TMEM52: variants seen among roughly 807,000 people sequenced by gnomAD.
TMEM52 encodes the protein transmembrane protein 52.
TMEM52 carries 14 observed loss-of-function variants against 16.2 expected under a neutral mutation model. That is an observed-to-expected ratio of 0.87 (90% CI 0.57 to 1.35). TMEM52 has a LOEUF of 1.35. Ranked by LOEUF, TMEM52 falls within the 40% of genes most tolerant of loss-of-function variation. The pLI, the probability that TMEM52 is intolerant of heterozygous loss-of-function variation, is 0.00. For synonymous variants in TMEM52, 136 were observed against 124.7 expected (o/e 1.09, Z -0.60); for missense variants, 309 against 278.6 (o/e 1.11, Z -0.78).
At chr1:1,918,715 A>G in intron 3 of TMEM52, 178 bp downstream of exon 3, 1 of 752,942 alleles carries the variant, frequency 1.3e-6, no homozygotes, top group Non-Finnish European at 2.1e-6. Flanking sequence ...ACTCCCGCGG[A>G]GGCCAGGCGG....
At position 1,919,168 on chromosome 1, in the gene TMEM52, G is replaced by A. The variant is rs992294070; in HGVS notation, c.84+14C>T. The A allele has an allele frequency of 1.1e-5, 15 of 1,367,714 alleles. No homozygotes were observed. The African/African-American group carries it at 1.2e-4, about 11-fold the overall frequency. 84.7% of individuals were successfully genotyped at this position (1,367,714 alleles called of 1,614,324 possible). Reference sequence around the variant, plus strand: ...CGCGGTGGCCGAACCGAGAGAGAACGCCGCCCGACCCACCTGCGGCAGCGG... The same window carrying A: ...CGCGGTGGCCGAACCGAGAGAGAACACCGCCCGACCCACCTGCGGCAGCGG... On this transcript the variant is annotated intron_variant, in intron 1 of 4. Coordinates refer to ENST00000310991, the MANE Select transcript of TMEM52 (RefSeq NM_178545.4).
rs748683918 is a variant in TMEM52 at position 1,917,965 on chromosome 1, C to G, written c.547G>C (p.Ala183Pro). ...ACTGGAGTGGTCTCTAGGCCCGAGG[C>G]CCCAAGGAGAGGGCTGGGTTTCTGG... ...LSQKPSPLLG[A>P]SGLETTPVPQ... The change falls in exon 5 of 5, where the codon GCC becomes CCC. Residue 183 changes from alanine to proline, a missense_variant. By Grantham distance (27) the Ala-to-Pro change is conservative (BLOSUM62 -1). Coordinates refer to ENST00000310991, the MANE Select transcript of TMEM52 (RefSeq NM_178545.4). The G allele has an allele frequency of 1.2e-6, 2 of 1,613,924 alleles. No homozygotes were observed. Among genetic ancestry groups the G allele is most frequent in the East Asian group, 4.5e-5 (2 of 44,888 alleles).
intron 2 of TMEM52, 32 bp from the exon 3 acceptor site, chr1:1,918,966 G>A (rs1440948377): frequency 7.4e-7 from 1 of 1,353,310 alleles, no homozygotes; most frequent in South Asian, 1.8e-5. Flanking sequence ...GAGCAGGCGG[G>A]GCATGGGACG....
intron 1 of TMEM52, 22 bp downstream of exon 1, chr1:1,919,160 G>T (rs1570796944): frequency 3.7e-6 from 5 of 1,368,206 alleles, no homozygotes; most frequent in East Asian, 6.0e-5. Context: ...GCCGAACCGA[G>T]AGAGAACGCC....
At position 1,918,934 on chromosome 1, in the gene TMEM52, C is replaced by T. The variant is rs1212001236; in HGVS notation, c.129G>A (p.Gln43=). Residue 43 remains glutamine, a splice_region_variant and synonymous_variant, in exon 3 of 5, where the codon CAG becomes CAA. Transcript: ENST00000310991. ...TGCTCCAGCGGGCCTGGGGCGGGCA[C>T]CTGTGGGGACGGCGGCACCTGGAGC... The part of the protein sequence containing the change: ...FADGSCDPSD[Q]CPPQARWSSL... 1 of 1,372,574 alleles carries T rather than the reference C, an allele frequency of 7.3e-7. No homozygotes were observed. Among genetic ancestry groups the T allele is most frequent in the Non-Finnish European group, 9.3e-7 (1 of 1,071,696 alleles). The allele number at this position is 1,372,574 out of a possible 1,614,324, so 85.0% of individuals were successfully genotyped here. A position where few individuals can be genotyped will look rare whatever the true frequency, so the allele number is the denominator to read the frequency against.
rs557905690 is a variant in TMEM52, at chr1:1,917,700, C to A, written c.*182G>T. 7 of 711,670 alleles carry A rather than the reference C, an allele frequency of 9.8e-6. No homozygotes were observed. The highest frequency in any genetic ancestry group is 3.6e-5 in the African/African-American group (2 of 56,270). The allele number at this position is 711,670 out of a possible 1,614,324, so 44.1% of individuals were successfully genotyped here. A position where few individuals can be genotyped will look rare whatever the true frequency, so the allele number is the denominator to read the frequency against. ...AAGGGGCCTCTTCCAGGCTGAGGGC[C>A]TGCTGGGGCTGGGCCAGGGGCTGAG... On this transcript the variant is annotated 3_prime_UTR_variant, in exon 5 of 5. Transcript: ENST00000310991.
chr1:1,919,238 CGCGG>C lies in TMEM52; in HGVS notation c.24_27del (p.Arg9AspfsTer106), dbSNP rs1651261787. On this transcript the variant is annotated frameshift_variant, in exon 1 of 5. Coordinates refer to ENST00000310991, the MANE Select transcript of TMEM52 (RefSeq NM_178545.4). LOFTEE classifies it high-confidence loss of function. Reference sequence around the variant, plus strand: ...AGGAGCGGCAGCAGCAGCCGCAGTCCGCGGGCGGCCAGCGGCCCCCGGGCCATGC... The same window carrying C: ...AGGAGCGGCAGCAGCAGCCGCAGTCCGCGGCCAGCGGCCCCCGGGCCATGC... The C allele has an allele frequency of 7.3e-7, 1 of 1,366,428 alleles. No individual in the cohort carries two copies. The highest frequency in any genetic ancestry group is 9.4e-7 in the Non-Finnish European group (1 of 1,068,228). 84.6% of individuals were successfully genotyped at this position (1,366,428 alleles called of 1,614,324 possible).
Position 1,918,308 on chromosome 1 carries a change from G to A in TMEM52, c.294C>T (p.Cys98=), listed in dbSNP as rs774718185. The A allele has an allele frequency of 2.9e-5, 47 of 1,612,782 alleles. No individual in the cohort carries two copies. In the Middle Eastern group the frequency reaches 6.6e-4, roughly 23 times the overall value. ...TGTCCATAGGGATGACTGCCACGTC[G>A]CAGGGCTGCCGTGCTGGTGGCAGAT... The part of the protein sequence containing the change: ...QPHLPPARQP[C]DVAVIPMDSD... Residue 98 remains cysteine (C), a synonymous_variant, in exon 4 of 5, where the codon TGC becomes TGT. Coordinates refer to ENST00000310991, the MANE Select transcript of TMEM52 (RefSeq NM_178545.4).
rs757777467 is a variant in TMEM52 at position 1,918,059 on chromosome 1, C to T, written c.453G>A (p.Pro151=). 1.7e-5 allele frequency: 28 copies of T among 1,613,582 alleles called. No individual in the cohort carries two copies. Among genetic ancestry groups the T allele is most frequent in the African/African-American group, 4.0e-5 (3 of 74,878 alleles). ...MAPPAYSLYT[P]EPPPSYDEAV... is the part of the protein sequence containing the mutation. ...CTTCATCGTAGGAGGGTGGAGGCTC[C>T]GGGGTGTACAGGCTGTAGGCAGGAG... is the stretch of plus-strand genomic sequence containing the variant. Residue 151 remains proline, a synonymous_variant, in exon 5 of 5, where the codon CCG becomes CCA. Transcript: ENST00000310991.
chr1:1,919,178 C>T lies in TMEM52; in HGVS notation c.84+4G>A. On this transcript the variant is annotated splice_donor_region_variant and intron_variant, in intron 1 of 4. Coordinates refer to ENST00000310991, the MANE Select transcript of TMEM52 (RefSeq NM_178545.4). Reference sequence around the variant, plus strand: ...GAACCGAGAGAGAACGCCGCCCGACCCACCTGCGGCAGCGGCAGGAGCGGC... The same window carrying T: ...GAACCGAGAGAGAACGCCGCCCGACTCACCTGCGGCAGCGGCAGGAGCGGC... 14 of 1,370,624 alleles carry T rather than the reference C, an allele frequency of 1.0e-5. No homozygotes were observed. The highest frequency in any genetic ancestry group is 1.3e-5 in the Non-Finnish European group (14 of 1,070,038). The allele number at this position is 1,370,624 out of a possible 1,614,324, so 84.9% of individuals were successfully genotyped here.
intron 3 of TMEM52, 99 bp downstream of exon 3, chr1:1,918,794 C>A (rs984528010): frequency 1.5e-6 from 2 of 1,370,220 alleles, no homozygotes; most frequent in African/African-American, 1.5e-5. Context: ...TGGGCGACAG[C>A]GGAGGCGGCC....
At chr1:1,918,614 C>G in intron 3 of TMEM52, 183 bp from the exon 4 acceptor site, 1 of 737,468 alleles carries the variant, frequency 1.4e-6, no homozygotes, top group Non-Finnish European at 2.4e-6. Flanking sequence ...CCCTGGCTAT[C>G]TCTCCTGGGC....
Position 1,918,401 on chromosome 1 carries a change from CAGA to C in TMEM52, c.198_200del (p.Leu68del), listed in dbSNP as rs1162175972. The C allele has an allele frequency of 6.2e-7, 1 of 1,612,558 alleles. No individual in the cohort carries two copies. Among genetic ancestry groups the C allele is most frequent in the African/African-American group, 1.3e-5 (1 of 74,896 alleles). On this transcript the variant is annotated inframe_deletion, in exon 4 of 5. Transcript: ENST00000310991. ...CACAACCAGCTGTGACACCACACAG[CAGA>C]AGCAGGAGGACCGCCAGCAGGATGA...
Position 1,917,980 on chromosome 1 carries a change from T to C in TMEM52, c.532A>G (p.Ser178Gly). Residue 178 changes from serine to glycine, a missense_variant, in exon 5 of 5, where the codon AGC (serine) becomes GGC (glycine). Transcript: ENST00000310991. Reference sequence around the variant, plus strand: ...AGGCCCGAGGCCCCAAGGAGAGGGCTGGGTTTCTGGGAGAGTGCTGGTCCT... The same window carrying C: ...AGGCCCGAGGCCCCAAGGAGAGGGCCGGGTTTCTGGGAGAGTGCTGGTCCT... Reference protein sequence around the residue: ...EEGPALSQKPSPLLGASGLET... With the variant: ...EEGPALSQKPGPLLGASGLET... 1 of 1,613,942 alleles carries C rather than the reference T, an allele frequency of 6.2e-7. No individual in the cohort carries two copies. The highest frequency in any genetic ancestry group is 2.2e-5 in the East Asian group (1 of 44,886).
intron 3 of TMEM52, 126 bp downstream of exon 3, chr1:1,918,767 C>T (rs1651238003): frequency 8.4e-7 from 1 of 1,192,604 alleles, no homozygotes; most frequent in Non-Finnish European, 1.1e-6. Context: ...AGGTCAGTTC[C>T]CGCCAGCGGC....
At position 1,919,269 on chromosome 1, in the gene TMEM52, C is replaced by T. The variant is rs904111649; in HGVS notation, c.-4G>A. The T allele has an allele frequency of 3.6e-6, 5 of 1,381,452 alleles. No individual in the cohort carries two copies. In the African/African-American group the frequency reaches 7.6e-5, roughly 21 times the overall value. The allele number at this position is 1,381,452 out of a possible 1,614,324, so 85.6% of individuals were successfully genotyped here. ...CGGCCAGCGGCCCCCGGGCCATGCT[C>T]TGAGGAGGTTGGAGCAAAGCCCGGC... On this transcript the variant is annotated 5_prime_UTR_variant, in exon 1 of 5. Coordinates refer to ENST00000310991, the MANE Select transcript of TMEM52 (RefSeq NM_178545.4).
rs575852588 is a variant in TMEM52 at position 1,919,188 on chromosome 1, C to CAGCGGCAGG, written c.69_77dup (p.Leu24_Leu26dup). 394 of 1,365,190 alleles carry CAGCGGCAGG rather than the reference C, an allele frequency of 2.9e-4. 2 individuals carry two copies. The Middle Eastern group carries it at 3.1e-3, about 11-fold the overall frequency. The allele number at this position is 1,365,190 out of a possible 1,614,324, so 84.6% of individuals were successfully genotyped here. ...AGAACGCCGCCCGACCCACCTGCGG[C>CAGCGGCAGG]AGCGGCAGGAGCGGCAGGAGCGGCA... is the stretch of plus-strand genomic sequence containing the variant. On this transcript the variant is annotated inframe_insertion, in exon 1 of 5. Coordinates refer to ENST00000310991, the MANE Select transcript of TMEM52 (RefSeq NM_178545.4).
chr1:1,919,206 G>GAGCGGCAGGAGCGGCAGC lies in TMEM52; in HGVS notation c.42_59dup (p.Leu21_Leu26dup). Reference sequence around the variant, plus strand: ...CCTGCGGCAGCGGCAGGAGCGGCAGGAGCGGCAGGAGCGGCAGCAGCAGCC... The same window carrying GAGCGGCAGGAGCGGCAGC: ...CCTGCGGCAGCGGCAGGAGCGGCAGGAGCGGCAGGAGCGGCAGCAGCGGCAGGAGCGGCAGCAGCAGCC... On this transcript the variant is annotated inframe_insertion, in exon 1 of 5. Coordinates refer to ENST00000310991, the MANE Select transcript of TMEM52 (RefSeq NM_178545.4). 1.5e-6 allele frequency: 2 copies of GAGCGGCAGGAGCGGCAGC among 1,363,968 alleles called. No individual in the cohort carries two copies. The highest frequency in any genetic ancestry group is 1.9e-6 in the Non-Finnish European group (2 of 1,066,010). The allele number at this position is 1,363,968 out of a possible 1,614,324, so 84.5% of individuals were successfully genotyped here. A position where few individuals can be genotyped will look rare whatever the true frequency, so the allele number is the denominator to read the frequency against.
At position 1,919,171 on chromosome 1, in the gene TMEM52, G is replaced by T; in HGVS notation, c.84+11C>A. On this transcript the variant is annotated intron_variant, in intron 1 of 4. Coordinates refer to ENST00000310991, the MANE Select transcript of TMEM52 (RefSeq NM_178545.4). ...GGTGGCCGAACCGAGAGAGAACGCCGCCCGACCCACCTGCGGCAGCGGCAG... is the reference window on the plus strand; with the variant it reads ...GGTGGCCGAACCGAGAGAGAACGCCTCCCGACCCACCTGCGGCAGCGGCAG... The T allele has an allele frequency of 7.3e-7, 1 of 1,371,456 alleles. No homozygotes were observed. Among genetic ancestry groups the T allele is most frequent in the Non-Finnish European group, 9.3e-7 (1 of 1,069,706 alleles). The allele number at this position is 1,371,456 out of a possible 1,614,324, so 85.0% of individuals were successfully genotyped here.
Sources: allele counts gnomAD v4.1 joint callset, GRCh38; gene constraint gnomAD v4.1.1; transcripts MANE v1.5; gene names NCBI Gene and HGNC (gene_info 2026-07-23, HGNC 2026-07-21).